The following GRM4 variants were observed in gnomAD, a reference collection of about 807,000 sequenced individuals.
The protein encoded by GRM4 is metabotropic glutamate receptor 4.
GRM4 carries 28 observed loss-of-function variants against 81.7 expected under a neutral mutation model. The observed-to-expected ratio is 0.34, with a 90% CI of 0.25 to 0.47. The LOEUF is 0.47. Among genes scored for constraint, GRM4 ranks in the 20% least tolerant of loss-of-function variants. GRM4 has a pLI of 1.00. For synonymous variants in GRM4, 488 were observed against 528.8 expected, an observed-to-expected ratio of 0.92 and a Z score of 1.06; for missense variants, 948 against 1,290.0, an observed-to-expected ratio of 0.73 and a Z score of 4.06.
At chr6:34,128,107 G>A (rs558078726) in intron 2 of GRM4, among the ~76,000 whole-genome samples, 2 of 152,322 alleles carry the variant, frequency 1.3e-5, no homozygotes, top group South Asian at 4.1e-4. Context: ...ATTACTCAAA[G>A]TTAAGTTGTC....
chr6:34,097,050 C>T (rs1198121871), intron 2 of GRM4, among the ~76,000 whole-genome samples: 1 of 152,212 alleles, frequency 6.6e-6, no homozygotes, highest in Non-Finnish European at 1.5e-5. Context: ...GGAACACCCA[C>T]GGCCTCCAGG....
rs1044197138 is a variant in GRM4 at position 34,034,673 on chromosome 6, T to C, written c.2442+995A>G. Among the ~76,000 whole-genome samples the C allele has an allele frequency of 1.3e-5, 2 of 152,258 alleles. No individual in the cohort carries two copies. Among genetic ancestry groups the C allele is most frequent in the African/African-American group, 4.8e-5 (2 of 41,472 alleles). On this transcript the variant is annotated intron_variant, in intron 9 of 10. Transcript: ENST00000538487. This position sits in a 1 kb window ranked among gnomAD's most constrained non-coding sequence, Gnocchi z 4.0. ...AACTGTTTGTGCACCCACTGTGTCA[T>C]GTGATTGTGACAATACCTGGAAAGA...
In GRM4 at chr6:34,036,119, C is replaced by T. The variant is rs368285953; in HGVS notation, c.1991G>A (p.Ser664Asn). The T allele has an allele frequency of 1.9e-6, 3 of 1,614,224 alleles. No homozygotes were observed. Among genetic ancestry groups the T allele is most frequent in the Admixed American group, 1.7e-5 (1 of 60,026 alleles). ...GGTGAGCAGGGCTGCATAGCTGATG[C>T]TCATCCCTAGTCCCAGGAAGATTCG... ...LRRIFLGLGM[S>N]ISYAALLTKT... Residue 664 changes from serine (S) to asparagine (N), a missense_variant, in exon 9 of 11, where the codon AGC becomes AAC. Coordinates refer to ENST00000538487, the MANE Select transcript of GRM4 (RefSeq NM_000841.4). This position sits in a 1 kb window ranked among gnomAD's most constrained non-coding sequence, Gnocchi z 9.0.
At chr6:34,097,297 T>C (rs1381352571) in intron 2 of GRM4, among the ~76,000 whole-genome samples, 1 of 152,022 alleles carries the variant, frequency 6.6e-6, no homozygotes, top group Non-Finnish European at 1.5e-5. Context: ...GGCCAAGGTG[T>C]TCCAGGCCCA....
At chr6:34,046,724 A>G (rs1237322154) in intron 6 of GRM4, among the ~76,000 whole-genome samples, 1 of 152,138 alleles carries the variant, frequency 6.6e-6, no homozygotes, top group East Asian at 1.9e-4. Context: ...TCTGCTAAAC[A>G]TGCACTCATT....
At chr6:34,071,578 A>C (rs1427465668) in intron 3 of GRM4, among the ~76,000 whole-genome samples, 1 of 121,478 alleles carries the variant, frequency 8.2e-6, no homozygotes. Flanking sequence ...CCACACACAC[A>C]CACACATCAC....
intron 9 of GRM4, among the ~76,000 whole-genome samples, chr6:34,029,326 C>T (rs3798527): frequency 0.16 from 23,746 of 152,164 alleles, 4,381 homozygotes; most frequent in African/African-American, 0.45. Context: ...CTCTCCTGAC[C>T]CCCAGCTCTA....
In GRM4 at chr6:34,035,347, G is replaced by A. The variant is rs1234330324; in HGVS notation, c.2442+321C>T. On this transcript the variant is annotated intron_variant, in intron 9 of 10. Coordinates refer to ENST00000538487, the MANE Select transcript of GRM4 (RefSeq NM_000841.4). This position sits in a 1 kb window ranked among gnomAD's most constrained non-coding sequence, Gnocchi z 6.6. ...AGAACAGGGGGAGGATGGAAAGAGG[G>A]AGTAAAGTGGGGCTGAAGGAGACAA... 6.7e-6 allele frequency among the ~76,000 whole-genome samples: 1 copy of A among 150,146 alleles called. No homozygotes were observed. The highest frequency in any genetic ancestry group is 1.5e-5 in the Non-Finnish European group (1 of 67,596).
At chr6:34,098,179 G>A (rs1049480316) in intron 2 of GRM4, among the ~76,000 whole-genome samples, 3 of 152,232 alleles carry the variant, frequency 2.0e-5, no homozygotes, top group Non-Finnish European at 2.9e-5. Context: ...CAAGCCAGGT[G>A]CATGGGGGCC....
At position 34,136,637 on chromosome 6, in the gene GRM4, C is replaced by T. The variant is rs140158355; in HGVS notation, c.-363-2778G>A. ...GGACAGATGCCATGGGGGAAGGAGG[C>T]CTCCAAGAGGAGAAAGGCAAACACC... On this transcript the variant is annotated intron_variant, in intron 1 of 10. Transcript: ENST00000538487. The surrounding 1 kb of genome is among the most constrained non-coding windows in gnomAD (Gnocchi z 4.1). 4.0e-5 allele frequency among the ~76,000 whole-genome samples: 6 copies of T among 151,068 alleles called. 1 individual carries two copies. The East Asian group carries it at 7.9e-4, about 20-fold the overall frequency.
chr6:34,084,717 A>G (rs940142371), intron 3 of GRM4, among the ~76,000 whole-genome samples: 7 of 152,214 alleles, frequency 4.6e-5, no homozygotes, highest in Admixed American at 1.3e-4. Context: ...CGGCCACAGG[A>G]GCTCCAACCC....
chr6:34,050,196 G>T (rs769316312), intron 6 of GRM4, among the ~76,000 whole-genome samples: 3 of 152,132 alleles, frequency 2.0e-5, no homozygotes, highest in African/African-American at 4.8e-5. Context: ...CTTGCTGAGC[G>T]CTGTGCCTGG....
At chr6:34,117,702 C>T (rs955197727) in intron 2 of GRM4, among the ~76,000 whole-genome samples, 3 of 152,192 alleles carry the variant, frequency 2.0e-5, no homozygotes, top group African/African-American at 7.2e-5. Flanking sequence ...ACATCCACCT[C>T]CTCACCTGCC....
intron 1 of GRM4, among the ~76,000 whole-genome samples, chr6:34,143,716 GTA>G (rs374663919): frequency 3.4e-4 from 52 of 152,344 alleles, no homozygotes; most frequent in African/African-American, 1.2e-3. Context: ...GGGCAGATGG[GTA>G]TGAGAGCATT....
At chr6:34,094,269 G>T (rs2127488335) in intron 2 of GRM4, among the ~76,000 whole-genome samples, 1 of 152,292 alleles carries the variant, frequency 6.6e-6, no homozygotes, top group African/African-American at 2.4e-5. Flanking sequence ...ATATGGCAGG[G>T]ACCTTTCACC....
chr6:34,054,875 T>C (rs1765795240), intron 6 of GRM4: 2 of 152,152 alleles, frequency 1.3e-5, no homozygotes, highest in Non-Finnish European at 2.9e-5. Flanking sequence ...CCGAAGGGGA[T>C]GCTCTCAATA....
At chr6:34,073,917 G>C (rs1163931149) in intron 3 of GRM4, among the ~76,000 whole-genome samples, 1 of 152,206 alleles carries the variant, frequency 6.6e-6, no homozygotes, top group South Asian at 2.1e-4. Flanking sequence ...GGTCCTCACT[G>C]GCTGGGGTGA....
intron 1 of GRM4, among the ~76,000 whole-genome samples, chr6:34,143,612 A>C (rs1770794568): frequency 6.6e-6 from 1 of 152,184 alleles, no homozygotes; most frequent in Non-Finnish European, 1.5e-5. Context: ...CTGGGCTCTG[A>C]GGAGCTGAGC....
At chr6:34,030,877 T>C (rs544284762) in intron 9 of GRM4, among the ~76,000 whole-genome samples, 1 of 152,320 alleles carries the variant, frequency 6.6e-6, no homozygotes, top group South Asian at 2.1e-4. Context: ...CCTCCCAGCA[T>C]GGGCCCTGGG....
Sources: allele counts gnomAD v4.1 joint callset (sites outside exome capture counted in the v4.1 genomes callset), GRCh38; gene constraint gnomAD v4.1.1; non-coding constraint Gnocchi (gnomAD v3.1); transcripts MANE v1.5; gene names NCBI Gene and HGNC (gene_info 2026-07-23, HGNC 2026-07-21).